IRAK2: variants seen among roughly 807,000 people sequenced by gnomAD.
IRAK2 encodes the protein interleukin 1 receptor associated kinase 2, also known as interleukin-1 receptor-associated kinase-like 2.
Under a neutral mutation model 72.0 loss-of-function variants are expected in IRAK2, and 57 were observed. The ratio of observed to expected loss-of-function variants is 0.79; its 90% CI spans 0.64 to 0.99. IRAK2 has a LOEUF of 0.99. Among genes scored for constraint, IRAK2 ranks in the 50% least tolerant of loss-of-function variants. IRAK2 has a pLI of 0.00. For synonymous variants in IRAK2, 293 were observed against 312.7 expected, an observed-to-expected ratio of 0.94 and a Z score of 0.67; for missense variants, 790 against 794.4, an observed-to-expected ratio of 0.99 and a Z score of 0.07.
In IRAK2 at chr3:10,242,932, G is replaced by T. The variant is rs1434369520; in HGVS notation, c.*704G>T. ...TTCCACTGCCTGTATTGGAAATCTT[G>T]CAATTCACATAATTATTCAGTCACT... On this transcript the variant is annotated 3_prime_UTR_variant, in exon 13 of 13. Coordinates refer to ENST00000256458, the MANE Select transcript of IRAK2 (RefSeq NM_001570.4). 1 of 152,188 alleles carries T rather than the reference G, an allele frequency of 6.6e-6. No homozygotes were observed. Among genetic ancestry groups the T allele is most frequent in the East Asian group, 1.9e-4 (1 of 5,192 alleles). 9.4% of individuals were successfully genotyped at this position (152,188 alleles called of 1,614,324 possible). A position where few individuals can be genotyped will look rare whatever the true frequency, so the allele number is the denominator to read the frequency against.
At chr3:10,190,310 T>G in intron 2 of IRAK2, among the ~76,000 whole-genome samples, 1 of 137,718 alleles carries the variant, frequency 7.3e-6, no homozygotes, top group Non-Finnish European at 1.5e-5. Flanking sequence ...AGACAGAGTC[T>G]CACTCTGTTG....
At chr3:10,171,725 C>T (rs1323340203) in intron 1 of IRAK2, among the ~76,000 whole-genome samples, 3 of 150,932 alleles carry the variant, frequency 2.0e-5, no homozygotes, top group Non-Finnish European at 2.9e-5. Flanking sequence ...CCGCCTCAGC[C>T]TCCCAAAGTG....
At chr3:10,195,109 C>T (rs1697242857) in intron 2 of IRAK2, among the ~76,000 whole-genome samples, 2 of 152,366 alleles carry the variant, frequency 1.3e-5, no homozygotes, top group Admixed American at 1.3e-4. Flanking sequence ...AAAAGCTGGA[C>T]TCTCTTTAGG....
chr3:10,217,154 T>A (rs1697617935), intron 7 of IRAK2, 106 bp downstream of exon 7: 6 of 780,192 alleles, frequency 7.7e-6, no homozygotes, highest in Non-Finnish European at 1.3e-5. Flanking sequence ...GCCATCTAGG[T>A]GAGACCAGGG....
At chr3:10,228,536 T>C (rs1051574679) in intron 10 of IRAK2, among the ~76,000 whole-genome samples, 5 of 152,206 alleles carry the variant, frequency 3.3e-5, no homozygotes, top group African/African-American at 1.2e-4. Context: ...GGAAGGAGGC[T>C]TTTGAGGCAC....
intron 4 of IRAK2, 33 bp from the exon 5 acceptor site, chr3:10,213,174 A>G (rs1697549677): frequency 6.4e-7 from 1 of 1,564,770 alleles, no homozygotes; most frequent in Non-Finnish European, 8.8e-7. Flanking sequence ...GAGATTCCAT[A>G]GTAATCTCCA....
At chr3:10,236,704 C>A (rs1317362479) in intron 11 of IRAK2, among the ~76,000 whole-genome samples, 2 of 152,020 alleles carry the variant, frequency 1.3e-5, no homozygotes. Flanking sequence ...CTAAAAAGTT[C>A]TGTCTCCTTC....
chr3:10,165,109 T>A (rs1696659311), intron 1 of IRAK2, 61 bp downstream of exon 1: 1 of 1,456,246 alleles, frequency 6.9e-7, no homozygotes, highest in Non-Finnish European at 9.5e-7. Context: ...CGATCCCGCC[T>A]GGAGCGGCCG....
chr3:10,239,149 C>G, intron 12 of IRAK2, 110 bp downstream of exon 12: 1 of 1,041,338 alleles, frequency 9.6e-7, no homozygotes, highest in Non-Finnish European at 1.4e-6. Context: ...GGTTATTCAG[C>G]CATTCACCAA....
At chr3:10,184,113 G>T (rs544840348) in intron 2 of IRAK2, among the ~76,000 whole-genome samples, 6 of 152,086 alleles carry the variant, frequency 3.9e-5, no homozygotes, top group African/African-American at 7.2e-5. Flanking sequence ...AGCAAGAAGG[G>T]AAAAAGAGGA....
chr3:10,192,696 A>G (rs977762795), intron 2 of IRAK2, among the ~76,000 whole-genome samples: 13 of 152,330 alleles, frequency 8.5e-5, no homozygotes, highest in African/African-American at 3.1e-4. Context: ...AGGCGGACGG[A>G]TCACCTGAGG....
At chr3:10,170,312 A>T (rs1425890572) in intron 1 of IRAK2, among the ~76,000 whole-genome samples, 1 of 152,204 alleles carries the variant, frequency 6.6e-6, no homozygotes, top group Non-Finnish European at 1.5e-5. Context: ...AGACCCAGAG[A>T]ATCCAGGATA....
At chr3:10,210,914 C>T (rs1185931677) in intron 4 of IRAK2, among the ~76,000 whole-genome samples, 1 of 151,940 alleles carries the variant, frequency 6.6e-6, no homozygotes, top group Non-Finnish European at 1.5e-5. Flanking sequence ...GGCTGGAGTG[C>T]AGTGGCACGA....
chr3:10,174,585 C>T (rs369986887), intron 1 of IRAK2, among the ~76,000 whole-genome samples: 12 of 152,018 alleles, frequency 7.9e-5, no homozygotes, highest in African/African-American at 2.2e-4. Context: ...AGTGCAGTGG[C>T]GTGATCTCGG....
At chr3:10,170,401 G>A (rs983170628) in intron 1 of IRAK2, among the ~76,000 whole-genome samples, 4 of 152,126 alleles carry the variant, frequency 2.6e-5, no homozygotes, top group Admixed American at 6.6e-5. Flanking sequence ...CACAGGTCTC[G>A]GGGCTTAGGA....
At chr3:10,182,775 GT>G (rs368969589) in intron 2 of IRAK2, among the ~76,000 whole-genome samples, 51 of 141,576 alleles carry the variant, frequency 3.6e-4, no homozygotes, top group South Asian at 1.1e-3. Flanking sequence ...CCACTAATTT[GT>G]TTTTTTTTTT....
intron 2 of IRAK2, among the ~76,000 whole-genome samples, chr3:10,191,388 G>GT (rs1697174044): frequency 6.6e-6 from 1 of 152,090 alleles, no homozygotes; most frequent in African/African-American, 2.4e-5. Flanking sequence ...TGGTTATTTG[G>GT]TAAGTACTCT....
intron 6 of IRAK2, among the ~76,000 whole-genome samples, chr3:10,216,045 A>G (rs1350322826): frequency 6.6e-6 from 1 of 152,226 alleles, no homozygotes; most frequent in African/African-American, 2.4e-5. Context: ...TGCGGGAAGC[A>G]GAGGAGGGCG....
intron 2 of IRAK2, among the ~76,000 whole-genome samples, chr3:10,189,767 G>A (rs915491458): frequency 1.3e-5 from 2 of 152,078 alleles, no homozygotes; most frequent in Non-Finnish European, 2.9e-5. Flanking sequence ...CTTCCTCTCC[G>A]GAAGGGGCCG....
Sources: gnomAD v4.1 joint callset for allele counts (sites outside exome capture counted in the v4.1 genomes callset) on GRCh38, gnomAD v4.1.1 for gene constraint, MANE v1.5 for transcripts, NCBI Gene and HGNC (gene_info 2026-07-23, HGNC 2026-07-21) for gene names.